NID2: variants seen among roughly 807,000 people sequenced by gnomAD.
NID2 encodes nidogen 2.
A neutral mutation model predicts 145.4 loss-of-function variants in NID2; 83 were observed. That is an observed-to-expected ratio of 0.57 (90% CI 0.48 to 0.69). The LOEUF is 0.69. Among genes scored for constraint, NID2 ranks in the 30% least tolerant of loss-of-function variants. The pLI is 0.00. For missense variants in NID2, 1,807 were observed against 1,765.7 expected (o/e 1.02, Z -0.42); for synonymous variants, 739 against 701.3 (o/e 1.05, Z -0.85).
At position 52,068,134 on chromosome 14, in the gene NID2, C is replaced by G. The variant is rs1262386691; in HGVS notation, c.258G>C (p.Gln86His). ...YVGTNGIIST[Q>H]DFPRETQYVD... The stretch of plus-strand genomic sequence containing the variant: ...CATACTGCGTTTCCCTGGGGAAGTC[C>G]TGAGTGGAGATGATGCCGTTGGTGC... The change falls in exon 2 of 22, where the codon CAG (glutamine) becomes CAC (histidine). Residue 86 changes from glutamine (Q) to histidine (H), a missense_variant. Physicochemically the swap from Gln to His is conservative, Grantham distance 24. Coordinates refer to ENST00000216286, the MANE Select transcript of NID2 (RefSeq NM_007361.4). The G allele has an allele frequency of 6.2e-7, 1 of 1,613,294 alleles. No homozygotes were observed. Among genetic ancestry groups the G allele is most frequent in the South Asian group, 1.1e-5 (1 of 90,696 alleles).
At chr14:52,011,408 G>A (rs527814016) in intron 17 of NID2, 146 bp downstream of exon 17, 302 of 888,752 alleles carry the variant, frequency 3.4e-4, no homozygotes, top group Non-Finnish European at 4.0e-4. Context: ...TACAGAGGGG[G>A]CTAGTCTTAT....
At chr14:52,066,202 TA>T (rs1402350598) in intron 2 of NID2, among the ~76,000 whole-genome samples, 1 of 152,064 alleles carries the variant, frequency 6.6e-6, no homozygotes, top group Non-Finnish European at 1.5e-5. Context: ...ACAAAAGTTT[TA>T]ATTCCAAAAA....
At chr14:52,027,365 G>A (rs759459261) in intron 11 of NID2, 21 bp from the exon 12 acceptor site, 6 of 1,507,506 alleles carry the variant, frequency 4.0e-6, no homozygotes, top group Middle Eastern at 1.8e-4. Context: ...AAGAAGATAA[G>A]GGCATCCAGA....
chr14:52,049,557 C>T (rs1223722105), intron 5 of NID2, among the ~76,000 whole-genome samples: 2 of 138,142 alleles, frequency 1.4e-5, no homozygotes, highest in Non-Finnish European at 3.1e-5. Flanking sequence ...CAACTACTAA[C>T]AATTTTTACT....
chr14:52,023,805 G>C lies in NID2; in HGVS notation c.2674+3396C>G, dbSNP rs1178499446. On this transcript the variant is annotated intron_variant, in intron 12 of 21. Coordinates refer to ENST00000216286, the MANE Select transcript of NID2 (RefSeq NM_007361.4). ...TAAAAGCCTCCTGGCTAGTGACTCA[G>C]ACCAGACTGAGAACCCAAATCCAAG... Among the ~76,000 whole-genome samples, 3 of 152,240 alleles carry C rather than the reference G, an allele frequency of 2.0e-5. 1 individual carries two copies. The South Asian group carries it at 6.2e-4, about 31-fold the overall frequency.
rs1269607858 is a variant in NID2 at position 52,028,817 on chromosome 14, C to T, written c.2435G>A (p.Cys812Tyr). ...ENECATGFHR[C>Y]GPNSVCINLP... ...GTTGATACATACAGAGTTGGGGCCA[C>T]AGCGATGAAAGCCAGTTGCACATTC... Residue 812 changes from cysteine to tyrosine, a missense_variant, in exon 11 of 22, where the codon TGT becomes TAT. Coordinates refer to ENST00000216286, the MANE Select transcript of NID2 (RefSeq NM_007361.4). The T allele has an allele frequency of 6.2e-7, 1 of 1,613,780 alleles. No individual in the cohort carries two copies. Among genetic ancestry groups the T allele is most frequent in the Non-Finnish European group, 8.5e-7 (1 of 1,179,938 alleles).
At chr14:52,020,719 C>T (rs1891375790) in intron 12 of NID2, among the ~76,000 whole-genome samples, 2 of 152,184 alleles carry the variant, frequency 1.3e-5, no homozygotes, top group Admixed American at 6.5e-5. Flanking sequence ...TCTAGAACCA[C>T]ACCCCCATTA....
chr14:52,014,703 C>A (rs1006466098), intron 15 of NID2, among the ~76,000 whole-genome samples: 2 of 151,128 alleles, frequency 1.3e-5, no homozygotes, highest in Non-Finnish European at 2.9e-5. Flanking sequence ...CAAAGCAGAA[C>A]AGATTTTTTT....
chr14:52,031,098 C>A (rs1050950806), intron 9 of NID2, among the ~76,000 whole-genome samples: 1 of 152,192 alleles, frequency 6.6e-6, no homozygotes, highest in African/African-American at 2.4e-5. Flanking sequence ...ATGCTTTCCA[C>A]CGCTTTGCTG....
At chr14:52,030,594 G>GA (rs1233786912) in intron 9 of NID2, among the ~76,000 whole-genome samples, 1 of 77,588 alleles carries the variant, frequency 1.3e-5, no homozygotes, top group African/African-American at 4.2e-5. Flanking sequence ...AAGAAAGAAA[G>GA]AAAGAAAGAA....
rs1595019178 is a variant in NID2 at position 52,027,343 on chromosome 14, C to T, written c.2532G>A (p.Leu844=). The T allele has an allele frequency of 3.2e-6, 5 of 1,552,978 alleles. No individual in the cohort carries two copies. The South Asian group carries it at 4.9e-5, about 15-fold the overall frequency. ...EFADDRHTCI[L]ITPPANPCED... is the part of the protein sequence containing the mutation. Reference sequence around the variant, plus strand: ...CACAGGGGTTGGCAGGTGGGGTGATCACTGAAAAGAGAAGAAGATAAGGGC... The same window carrying T: ...CACAGGGGTTGGCAGGTGGGGTGATTACTGAAAAGAGAAGAAGATAAGGGC... Residue 844 remains leucine (L), a splice_region_variant and synonymous_variant, in exon 12 of 22, where the codon TTG becomes TTA. Coordinates refer to ENST00000216286, the MANE Select transcript of NID2 (RefSeq NM_007361.4).
At chr14:52,054,478 G>A (rs1331805271) in intron 3 of NID2, among the ~76,000 whole-genome samples, 157 bp from the exon 4 acceptor site, 2 of 152,192 alleles carry the variant, frequency 1.3e-5, no homozygotes, top group Non-Finnish European at 2.9e-5. Context: ...AAAGTAGGAG[G>A]ATGACTTAAG....
At chr14:52,038,506 C>T (rs1892154779) in intron 9 of NID2, among the ~76,000 whole-genome samples, 1 of 152,130 alleles carries the variant, frequency 6.6e-6, no homozygotes, top group Admixed American at 6.6e-5. Flanking sequence ...TTGGGTATTG[C>T]TATAAACCAG....
chr14:52,064,683 G>A (rs1205125990), intron 2 of NID2, among the ~76,000 whole-genome samples: 1 of 152,204 alleles, frequency 6.6e-6, no homozygotes, highest in Non-Finnish European at 1.5e-5. Context: ...TCTGTCTTAT[G>A]TTACTGCCTG....
chr14:52,040,823 A>C lies in NID2; in HGVS notation c.1854T>G (p.Val618=), dbSNP rs779698007. ...CCGTCTCCTCTCCCGGGTAGAATGT[A>C]ACTTCCATGTCATGGGTAAAGGCAG... is the stretch of plus-strand genomic sequence containing the variant. ...AGAAFTHDME[V]TFYPGEETVR... Residue 618 remains valine, a synonymous_variant, in exon 8 of 22, where the codon GTT becomes GTG. Transcript: ENST00000216286. The C allele has an allele frequency of 9.9e-6, 16 of 1,614,200 alleles. No homozygotes were observed. Among genetic ancestry groups the C allele is most frequent in the Non-Finnish European group, 1.3e-5 (15 of 1,180,040 alleles).
intron 5 of NID2, among the ~76,000 whole-genome samples, chr14:52,048,304 G>C (rs1005779983): frequency 2.0e-5 from 3 of 152,230 alleles, no homozygotes; most frequent in African/African-American, 7.2e-5. Context: ...CTTCCCTGAA[G>C]AAGGGGGAGA....
In NID2 at chr14:52,040,515, A is replaced by C; in HGVS notation, c.2026+136T>G. On this transcript the variant is annotated intron_variant, in intron 8 of 21. Coordinates refer to ENST00000216286, the MANE Select transcript of NID2 (RefSeq NM_007361.4). ...TATATTTCATGGTAACAATAAGAGTAATAACATAATAGAGCTCATTTTATG... is the reference window on the plus strand; with the variant it reads ...TATATTTCATGGTAACAATAAGAGTCATAACATAATAGAGCTCATTTTATG... 1.1e-5 allele frequency: 8 copies of C among 717,708 alleles called. No homozygotes were observed. The Middle Eastern group carries it at 2.4e-3, about 211-fold the overall frequency. 44.5% of individuals were successfully genotyped at this position (717,708 alleles called of 1,614,324 possible).
chr14:52,053,763 G>A lies in NID2; in HGVS notation c.1245C>T (p.Pro415=), dbSNP rs771120025. 65 of 1,614,108 alleles carry A rather than the reference G, an allele frequency of 4.0e-5. No individual in the cohort carries two copies. Among genetic ancestry groups the A allele is most frequent in the African/African-American group, 1.6e-4 (12 of 74,936 alleles). ...APSWETPPPY[P]ENGSIQPYPD... ...GGTAGGGCTGGATGCTTCCGTTTTC[G>A]GGGTACGGTGGTGGGGTTTCCCAGG... The change falls in exon 5 of 22, where the codon CCC becomes CCT. Residue 415 remains proline (P), a synonymous_variant. Coordinates refer to ENST00000216286, the MANE Select transcript of NID2 (RefSeq NM_007361.4).
chr14:52,006,517 C>T lies in NID2; in HGVS notation c.4004+20G>A. 1 of 1,612,790 alleles carries T rather than the reference C, an allele frequency of 6.2e-7. No homozygotes were observed. Among genetic ancestry groups the T allele is most frequent in the African/African-American group, 1.3e-5 (1 of 74,998 alleles). ...GAACAGTTGGCCTTTTCAGGCTTGTCCAGAATTTGTGGGGCTCACCTCCTC... is the reference window on the plus strand; with the variant it reads ...GAACAGTTGGCCTTTTCAGGCTTGTTCAGAATTTGTGGGGCTCACCTCCTC... On this transcript the variant is annotated intron_variant, in intron 20 of 21. Transcript: ENST00000216286.
Sources: gnomAD v4.1 joint callset for allele counts (sites outside exome capture counted in the v4.1 genomes callset) on GRCh38, gnomAD v4.1.1 for gene constraint, MANE v1.5 for transcripts, NCBI Gene and HGNC (gene_info 2026-07-23, HGNC 2026-07-21) for gene names.